The following C6orf141 variants were observed in gnomAD, a reference collection of about 807,000 sequenced individuals.
C6orf141 encodes uncharacterized protein C6orf141.
For missense variants in C6orf141, 361 were observed against 335.8 expected (o/e 1.07, Z -0.59); for synonymous variants, 164 against 140.5 (o/e 1.17, Z -1.18).
At position 49,550,753 on chromosome 6, in the gene C6orf141, A is replaced by G; in HGVS notation, c.-40A>G. ...GGTGGTCCCGCGCTTTCCGGAGCTC[A>G]GCAGGCGCTTGCTGCTTGAACCGGT... On this transcript the variant is annotated 5_prime_UTR_variant, in exon 1 of 1. Coordinates refer to ENST00000529246, the MANE Select transcript of C6orf141 (RefSeq NM_001145652.2). 7.0e-7 allele frequency: 1 copy of G among 1,429,160 alleles called. No individual in the cohort carries two copies. Among genetic ancestry groups the G allele is most frequent in the Non-Finnish European group, 9.2e-7 (1 of 1,087,946 alleles). The allele number at this position is 1,429,160 out of a possible 1,614,324, so 88.5% of individuals were successfully genotyped here.
chr6:49,558,574 G>A (rs1313241853), intron 4 of C6orf141, among the ~76,000 whole-genome samples: 4 of 151,992 alleles, frequency 2.6e-5, no homozygotes, highest in African/African-American at 7.2e-5. Flanking sequence ...AACCTCATAA[G>A]TTTTTTTCAA....
At chr6:49,561,190 T>G (rs557971005) in intron 4 of C6orf141, among the ~76,000 whole-genome samples, 3 of 151,874 alleles carry the variant, frequency 2.0e-5, no homozygotes, top group Non-Finnish European at 2.9e-5. Flanking sequence ...CTCTGCCTCC[T>G]GGGTTCAAGC....
chr6:49,554,673 T>C (rs1771446798), downstream of C6orf141, among the ~76,000 whole-genome samples: 3 of 152,092 alleles, frequency 2.0e-5, no homozygotes, highest in African/African-American at 7.2e-5. Flanking sequence ...TGAGCCACCA[T>C]GCCCGGCCTG....
rs1581894184 is a variant in C6orf141, at chr6:49,551,873, C to T, written c.*346C>T. 8.8e-7 allele frequency: 1 copy of T among 1,136,368 alleles called. No individual in the cohort carries two copies. Among genetic ancestry groups the T allele is most frequent in the Non-Finnish European group, 1.1e-6 (1 of 914,554 alleles). 70.4% of individuals were successfully genotyped at this position (1,136,368 alleles called of 1,614,324 possible). ...TCTGTTCCCCGCCCCCCTCTTGTTT[C>T]TCTTTAGGACCTAGAAACAGAAGTG... On this transcript the variant is annotated 3_prime_UTR_variant, in exon 1 of 1. Coordinates refer to ENST00000529246, the MANE Select transcript of C6orf141 (RefSeq NM_001145652.2).
At chr6:49,557,465 C>T (rs1236650424) in intron 4 of C6orf141, among the ~76,000 whole-genome samples, 2 of 152,170 alleles carry the variant, frequency 1.3e-5, no homozygotes, top group Non-Finnish European at 2.9e-5. Flanking sequence ...CATTCCTCAG[C>T]TTGACTAAAT....
downstream of C6orf141, among the ~76,000 whole-genome samples, chr6:49,554,033 T>C (rs1771242044): frequency 6.6e-6 from 1 of 152,196 alleles, no homozygotes; most frequent in South Asian, 2.1e-4. Context: ...AAGGACTTAT[T>C]TCTAGCTTTT....
At position 49,551,248 on chromosome 6, in the gene C6orf141, A is replaced by T; in HGVS notation, c.456A>T (p.Ala152=). ...GTGTAGCCCCGCCGCGGGACGCAGC[A>T]GACCCACCCAAATACGTGCTTGTGC... The part of the protein sequence containing the change: ...GRRVAPPRDA[A]DPPKYVLVRV... The change falls in exon 1 of 1, where the codon GCA becomes GCT. Residue 152 remains alanine, a synonymous_variant. Transcript: ENST00000529246. The T allele has an allele frequency of 1.3e-6, 2 of 1,551,680 alleles. No individual in the cohort carries two copies. Among genetic ancestry groups the T allele is most frequent in the South Asian group, 2.4e-5 (2 of 84,064 alleles).
chr6:49,554,668 C>T (rs551918926), downstream of C6orf141, among the ~76,000 whole-genome samples: 10 of 152,274 alleles, frequency 6.6e-5, 1 homozygote, highest in South Asian at 2.1e-3. Flanking sequence ...AGGCCTGAGC[C>T]ACCATGCCCG....
intron 4 of C6orf141, among the ~76,000 whole-genome samples, chr6:49,558,714 T>G (rs546921485): frequency 1.0e-3 from 156 of 151,484 alleles, no homozygotes; most frequent in African/African-American, 2.4e-3. Flanking sequence ...GTATTTTTTT[T>G]GGGGGGGGTG....
Position 49,551,535 on chromosome 6 carries a change from C to A in C6orf141, c.*8C>A. 1 of 1,548,802 alleles carries A rather than the reference C, an allele frequency of 6.5e-7. No individual in the cohort carries two copies. Among genetic ancestry groups the A allele is most frequent in the Non-Finnish European group, 8.7e-7 (1 of 1,146,630 alleles). On this transcript the variant is annotated 3_prime_UTR_variant, in exon 1 of 1. Coordinates refer to ENST00000529246, the MANE Select transcript of C6orf141 (RefSeq NM_001145652.2). ...GAGGAAATTAAACTCTAATGAGTAGCTCGAGAAATGTTCCGGGATGGTGGA... is the reference window on the plus strand; with the variant it reads ...GAGGAAATTAAACTCTAATGAGTAGATCGAGAAATGTTCCGGGATGGTGGA...
At chr6:49,555,924 T>C (rs1383233946), downstream of C6orf141, among the ~76,000 whole-genome samples, 4 of 152,222 alleles carry the variant, frequency 2.6e-5, no homozygotes, top group South Asian at 4.1e-4. Flanking sequence ...TTTTATTTTA[T>C]TGTATTTTCA....
At chr6:49,558,434 A>C (rs1772508800) in intron 4 of C6orf141, among the ~76,000 whole-genome samples, 1 of 148,726 alleles carries the variant, frequency 6.7e-6, no homozygotes, top group Non-Finnish European at 1.5e-5. Flanking sequence ...AGAGAGAGAG[A>C]GAAGCTGGCA....
intron 4 of C6orf141, among the ~76,000 whole-genome samples, chr6:49,561,339 TC>T (rs1773288872): frequency 6.6e-6 from 1 of 152,146 alleles, no homozygotes; most frequent in African/African-American, 2.4e-5. Flanking sequence ...CCTCAGGTGA[TC>T]CCCCTGCCTT....
downstream of C6orf141, among the ~76,000 whole-genome samples, chr6:49,556,849 A>T (rs940879381): frequency 6.6e-6 from 1 of 152,262 alleles, no homozygotes; most frequent in Admixed American, 6.5e-5. Flanking sequence ...GTAAGGAGTT[A>T]TGATTGGTTT....
chr6:49,557,464 G>C (rs1772182335), intron 4 of C6orf141, among the ~76,000 whole-genome samples: 1 of 152,104 alleles, frequency 6.6e-6, no homozygotes, highest in South Asian at 2.1e-4. Flanking sequence ...CCATTCCTCA[G>C]CTTGACTAAA....
At chr6:49,551,412 GGGGCCCTGCTGAATCCC>G in exon 1 of C6orf141, 1 of 1,551,636 alleles carries the variant, frequency 6.4e-7, no homozygotes, top group Non-Finnish European at 8.7e-7. Context: ...GGGGAACGCT[GGGGCCCTGCTGAATCCC>G]GGGCTCTCCA....
chr6:49,561,026 GTCTCTCTCTC>G (rs36182126), intron 4 of C6orf141: 2 of 145,228 alleles, frequency 1.4e-5, no homozygotes, highest in Non-Finnish European at 3.0e-5. Flanking sequence ...CTCCATCACC[GTCTCTCTCTC>G]TCTCTCTCTC....
At position 49,551,612 on chromosome 6, in the gene C6orf141, T is replaced by C. The variant is rs553308295; in HGVS notation, c.*85T>C. On this transcript the variant is annotated 3_prime_UTR_variant, in exon 1 of 1. Transcript: ENST00000529246. ...CTATTCTGGGAGCTCCAACCTGCAA[T>C]TAACCTACAGAAGGAACCTTTTGAG... 2.0e-6 allele frequency: 3 copies of C among 1,516,160 alleles called. No individual in the cohort carries two copies. The South Asian group carries it at 3.8e-5, about 19-fold the overall frequency. The allele number at this position is 1,516,160 out of a possible 1,614,324, so 93.9% of individuals were successfully genotyped here.
At position 49,550,948 on chromosome 6, in the gene C6orf141, A is replaced by G; in HGVS notation, c.156A>G (p.Ala52=). Residue 52 remains alanine (A), a synonymous_variant, in exon 1 of 1, where the codon GCA becomes GCG. Transcript: ENST00000529246. ...LAPGARNPAT[A]GASRSQGGGH... is the part of the protein sequence containing the mutation. ...CGGGCGCCCGGAATCCCGCGACGGCAGGGGCGAGCCGAAGCCAGGGCGGCG... is the reference window on the plus strand; with the variant it reads ...CGGGCGCCCGGAATCCCGCGACGGCGGGGGCGAGCCGAAGCCAGGGCGGCG... 1 of 1,548,708 alleles carries G rather than the reference A, an allele frequency of 6.5e-7. No individual in the cohort carries two copies. Among genetic ancestry groups the G allele is most frequent in the Non-Finnish European group, 8.7e-7 (1 of 1,146,186 alleles).
Sources: gnomAD v4.1 joint callset for allele counts (sites outside exome capture counted in the v4.1 genomes callset) on GRCh38, gnomAD v4.1.1 for gene constraint, MANE v1.5 for transcripts, NCBI Gene and HGNC (gene_info 2026-07-23, HGNC 2026-07-21) for gene names.